ST13: variants seen among roughly 807,000 people sequenced by gnomAD.
The protein encoded by ST13 is hsc70-interacting protein.
Under a neutral mutation model 56.7 loss-of-function variants are expected in ST13, and 23 were observed. That is an observed-to-expected ratio of 0.41 (90% CI 0.29 to 0.57). ST13 has a LOEUF of 0.57. Ranked by LOEUF, ST13 falls within the 20% of genes least tolerant of loss-of-function variation. ST13 has a pLI of 0.36. For synonymous variants in ST13, 132 were observed against 142.4 expected (o/e 0.93, Z 0.52); for missense variants, 369 against 459.9 (o/e 0.80, Z 1.81).
At chr22:40,832,696 A>C (rs989602306) in intron 7 of ST13, 25 bp from the exon 8 acceptor site, 2 of 1,543,946 alleles carry the variant, frequency 1.3e-6, no homozygotes, top group African/African-American at 2.7e-5. Context: ...CACTCATTTT[A>C]GGAGCCTTTT....
At chr22:40,835,527 G>C (rs1274515823) in intron 7 of ST13, 33 bp downstream of exon 7, 1 of 1,533,478 alleles carries the variant, frequency 6.5e-7, no homozygotes, top group Non-Finnish European at 9.0e-7. Flanking sequence ...TAAATGTAAA[G>C]AGTTCTGAAA....
intron 5 of ST13, among the ~76,000 whole-genome samples, chr22:40,839,216 A>C (rs752758975): frequency 6.6e-6 from 1 of 152,226 alleles, no homozygotes; most frequent in Non-Finnish European, 1.5e-5. Flanking sequence ...AGGTGGTAGA[A>C]TCACAAAATG....
At chr22:40,843,526 T>C (rs1245452233) in intron 4 of ST13, among the ~76,000 whole-genome samples, 1 of 152,214 alleles carries the variant, frequency 6.6e-6, no homozygotes, top group Non-Finnish European at 1.5e-5. Context: ...ATTTTAGTTT[T>C]GGTGGGACCG....
At position 40,827,217 on chromosome 22, in the gene ST13, C is replaced by G. The variant is rs773869872; in HGVS notation, c.860G>C (p.Gly287Ala). 12 of 1,613,488 alleles carry G rather than the reference C, an allele frequency of 7.4e-6. No homozygotes were observed. The African/African-American group carries it at 1.6e-4, about 22-fold the overall frequency. Residue 287 changes from glycine (G) to alanine (A), a missense_variant, in exon 11 of 12, where the codon GGG becomes GCG. Physicochemically the swap from Gly to Ala is moderately conservative, Grantham distance 60. Transcript: ENST00000216218. ...TCCGGGAAAATTACCAGGCATTCCCCCAGGAAAGCCACCTGTAATAAAAAA... is the reference window on the plus strand; with the variant it reads ...TCCGGGAAAATTACCAGGCATTCCCGCAGGAAAGCCACCTGTAATAAAAAA... ...QYGSFPGGFP[G>A]GMPGNFPGGM...
At chr22:40,850,714 G>A (rs1272420599) in intron 2 of ST13, 109 bp downstream of exon 2, 2 of 787,924 alleles carry the variant, frequency 2.5e-6, no homozygotes, top group Non-Finnish European at 4.2e-6. Flanking sequence ...ATTTCCAAGT[G>A]ATCTTGGGGA....
chr22:40,844,165 G>T (rs1462323190), intron 4 of ST13, among the ~76,000 whole-genome samples: 1 of 152,100 alleles, frequency 6.6e-6, no homozygotes, highest in Non-Finnish European at 1.5e-5. Flanking sequence ...TTACAGGCGT[G>T]AGCCACCCTG....
In ST13 at chr22:40,826,630, G is replaced by C; in HGVS notation, c.1018C>G (p.Gln340Glu). The C allele has an allele frequency of 6.2e-7, 1 of 1,608,506 alleles. No homozygotes were observed. Among genetic ancestry groups the C allele is most frequent in the Non-Finnish European group, 8.5e-7 (1 of 1,179,774 alleles). ...TATTTTGACATATTTGCTGGGTTCT[G>C]AGCCACATCCTGGAAAGCCACCATA... ...EVMVAFQDVA[Q>E]NPANMSKYQS... The change falls in exon 12 of 12, where the codon CAG becomes GAG. Residue 340 changes from glutamine (Q) to glutamate (E), a missense_variant. Physicochemically the swap from Gln to Glu is conservative, Grantham distance 29 (BLOSUM62 2). Around this residue, in one of 3 missense-constraint regions of ST13, gnomAD observed 136 missense variants for 159.2 expected, o/e 0.85. Transcript: ENST00000216218.
intron 3 of ST13, among the ~76,000 whole-genome samples, chr22:40,845,348 TTTAAAA>T (rs1298647391): frequency 1.3e-5 from 2 of 152,174 alleles, no homozygotes; most frequent in African/African-American, 4.8e-5. Context: ...ACTTTCCTTT[TTTAAAA>T]TTAAAATAAT....
chr22:40,846,213 GGT>G (rs562156277), intron 3 of ST13, among the ~76,000 whole-genome samples: 86 of 152,272 alleles, frequency 5.6e-4, no homozygotes, highest in African/African-American at 2.0e-3. Flanking sequence ...TGGGATTAAA[GGT>G]GTGAGTCACC....
intron 5 of ST13, among the ~76,000 whole-genome samples, chr22:40,839,582 T>G (rs904927452): frequency 6.6e-6 from 1 of 150,916 alleles, no homozygotes; most frequent in East Asian, 2.0e-4. Flanking sequence ...CTGGCCAACA[T>G]AGTGAAACCC....
Position 40,835,545 on chromosome 22 carries a change from A to C in ST13, c.578+15T>G. 1 of 1,588,150 alleles carries C rather than the reference A, an allele frequency of 6.3e-7. No homozygotes were observed. Among genetic ancestry groups the C allele is most frequent in the Non-Finnish European group, 8.6e-7 (1 of 1,159,558 alleles). ...ATGTAAAGAGTTCTGAAAATAATTA[A>C]ATTCAATTATTTACCTGTGTGCTTT... On this transcript the variant is annotated intron_variant, in intron 7 of 11. Coordinates refer to ENST00000216218, the MANE Select transcript of ST13 (RefSeq NM_003932.5).
At chr22:40,833,054 C>G (rs1318395421) in intron 7 of ST13, among the ~76,000 whole-genome samples, 2 of 152,138 alleles carry the variant, frequency 1.3e-5, no homozygotes, top group Non-Finnish European at 2.9e-5. Context: ...TACATGTGTA[C>G]AGGCTTTACG....
At chr22:40,846,853 G>C (rs1414388561) in intron 3 of ST13, among the ~76,000 whole-genome samples, 2 of 152,078 alleles carry the variant, frequency 1.3e-5, no homozygotes, top group African/African-American at 4.8e-5. Context: ...AAATTAGCCA[G>C]GCATGGTGGC....
intron 8 of ST13, among the ~76,000 whole-genome samples, chr22:40,831,667 C>A (rs2057754569): frequency 6.6e-6 from 1 of 152,196 alleles, no homozygotes; most frequent in Non-Finnish European, 1.5e-5. Flanking sequence ...TAATTAAATT[C>A]AATACAATTC....
intron 2 of ST13, 119 bp from the exon 3 acceptor site, chr22:40,848,488 TG>T (rs1244678255): frequency 4.1e-6 from 3 of 726,638 alleles, no homozygotes; most frequent in Non-Finnish European, 7.1e-6. Flanking sequence ...GGCTCATGCC[TG>T]GAATTCCAGC....
chr22:40,844,700 A>G, intron 4 of ST13, 139 bp downstream of exon 4: 1 of 655,964 alleles, frequency 1.5e-6, no homozygotes, highest in Non-Finnish European at 2.7e-6. Flanking sequence ...AGTAAAATAC[A>G]ATGCTTGCCT....
chr22:40,843,886 T>A (rs1046515654), intron 4 of ST13, among the ~76,000 whole-genome samples: 1 of 37,384 alleles, frequency 2.7e-5, no homozygotes, highest in African/African-American at 1.5e-4. Context: ...GAAAATGCAT[T>A]TTTTTTTTTT....
At chr22:40,830,752 A>G (rs1440952483) in intron 9 of ST13, 88 bp downstream of exon 9, 2 of 744,606 alleles carry the variant, frequency 2.7e-6, no homozygotes, top group Non-Finnish European at 4.5e-6. Context: ...CATTAAATAA[A>G]AGAGCCAGGA....
chr22:40,847,183 A>G (rs1487126444), intron 3 of ST13, among the ~76,000 whole-genome samples: 1 of 152,198 alleles, frequency 6.6e-6, no homozygotes, highest in Admixed American at 6.5e-5. Context: ...AACCAGTTTT[A>G]TCAACATGGT....
Sources: allele counts gnomAD v4.1 joint callset (sites outside exome capture counted in the v4.1 genomes callset), GRCh38; gene constraint gnomAD v4.1.1; regional missense constraint gnomAD v4.1.1; transcripts MANE v1.5; gene names NCBI Gene and HGNC (gene_info 2026-07-23, HGNC 2026-07-21).